Variants in PCNX1 observed in about 807,000 individuals in gnomAD.
PCNX1 encodes the protein pecanex-like protein 1.
A neutral mutation model predicts 242.2 loss-of-function variants in PCNX1; 78 were observed. The ratio of observed to expected loss-of-function variants is 0.32; its 90% CI spans 0.27 to 0.39. The LOEUF (loss-of-function observed/expected upper bound fraction) is 0.39. Among genes scored for constraint, PCNX1 ranks in the 10% least tolerant of loss-of-function variants. PCNX1 has a pLI of 1.00. For missense variants in PCNX1, 2,581 were observed against 2,856.5 expected (o/e 0.90, Z 2.20); for synonymous variants, 1,024 against 1,032.9 (o/e 0.99, Z 0.17).
At chr14:70,910,038 CCTCCT>C in intron 1 of PCNX1, among the ~76,000 whole-genome samples, 1 of 70,668 alleles carries the variant, frequency 1.4e-5, no homozygotes, top group African/African-American at 5.9e-5. Context: ...CCTCCCTCCT[CCTCCT>C]CCTCCTCCTC....
chr14:70,911,513 C>G (rs2055907715), intron 1 of PCNX1, among the ~76,000 whole-genome samples: 1 of 152,036 alleles, frequency 6.6e-6, no homozygotes, highest in African/African-American at 2.4e-5. Context: ...TTAAGGTACT[C>G]ATTCTTTTTT....
At chr14:70,932,722 C>T (rs2056850448) in intron 1 of PCNX1, among the ~76,000 whole-genome samples, 1 of 152,000 alleles carries the variant, frequency 6.6e-6, no homozygotes, top group Non-Finnish European at 1.5e-5. Flanking sequence ...AAGCGATTCT[C>T]CTGCCTCAGC....
At chr14:71,101,388 G>A (rs1299070234) in intron 30 of PCNX1, among the ~76,000 whole-genome samples, 1 of 152,148 alleles carries the variant, frequency 6.6e-6, no homozygotes, top group African/African-American at 2.4e-5. Context: ...GTACATGGTA[G>A]ATACTGAATA....
chr14:71,061,920 G>C (rs1023095684), intron 26 of PCNX1, among the ~76,000 whole-genome samples: 1 of 152,078 alleles, frequency 6.6e-6, no homozygotes, highest in Non-Finnish European at 1.5e-5. Flanking sequence ...AACAGCTAGA[G>C]AAGAAAAAGA....
At chr14:70,980,283 T>C (rs964896710) in intron 6 of PCNX1, among the ~76,000 whole-genome samples, 5 of 152,128 alleles carry the variant, frequency 3.3e-5, no homozygotes, top group Non-Finnish European at 5.9e-5. Flanking sequence ...AAAGGTGTTA[T>C]TTGCTTCTCG....
chr14:71,008,298 T>A (rs1326566079), intron 8 of PCNX1, among the ~76,000 whole-genome samples: 1 of 152,174 alleles, frequency 6.6e-6, no homozygotes, highest in Non-Finnish European at 1.5e-5. Context: ...TATTGCACAC[T>A]CTGCATTGTA....
At chr14:70,925,631 G>A (rs1363161454) in intron 1 of PCNX1, among the ~76,000 whole-genome samples, 1 of 139,506 alleles carries the variant, frequency 7.2e-6, no homozygotes, top group Admixed American at 7.4e-5. Flanking sequence ...TATCTACTCA[G>A]GTCTTTTTAT....
intron 11 of PCNX1, among the ~76,000 whole-genome samples, chr14:71,018,155 T>C (rs1167529337): frequency 6.6e-6 from 1 of 152,142 alleles, no homozygotes; most frequent in African/African-American, 2.4e-5. Context: ...TTTTGTGTCC[T>C]GCTTTCTGTA....
intron 11 of PCNX1, among the ~76,000 whole-genome samples, chr14:71,017,196 A>G (rs898194352): frequency 6.6e-6 from 1 of 152,220 alleles, no homozygotes; most frequent in African/African-American, 2.4e-5. Context: ...CATGACCTTA[A>G]TTGTCTTACA....
At chr14:71,098,040 G>A (rs1008087230) in intron 30 of PCNX1, among the ~76,000 whole-genome samples, 8 of 152,170 alleles carry the variant, frequency 5.3e-5, no homozygotes, top group Non-Finnish European at 8.8e-5. Context: ...ATTGAATAGG[G>A]AGTCCTTTCT....
chr14:70,974,332 A>G (rs1348916240), intron 5 of PCNX1, among the ~76,000 whole-genome samples: 1 of 146,776 alleles, frequency 6.8e-6, no homozygotes, highest in Non-Finnish European at 1.5e-5. Flanking sequence ...ATGGGGTTTC[A>G]CCATGTTGGC....
At chr14:70,959,304 A>T (rs2810103) in intron 2 of PCNX1, among the ~76,000 whole-genome samples, 11 of 144,136 alleles carry the variant, frequency 7.6e-5, no homozygotes. Flanking sequence ...ATGTATACAC[A>T]TGCCATGCTG....
At position 71,013,105 on chromosome 14, in the gene PCNX1, G is replaced by A; in HGVS notation, c.2899G>A (p.Ala967Thr). 6.2e-7 allele frequency: 1 copy of A among 1,614,094 alleles called. No individual in the cohort carries two copies. The highest frequency in any genetic ancestry group is 8.5e-7 in the Non-Finnish European group (1 of 1,180,014). The change falls in exon 11 of 36, where the codon GCC becomes ACC. Residue 967 changes from alanine (A) to threonine (T), a missense_variant. Physicochemically the swap from Ala to Thr is moderately conservative, Grantham distance 58. Transcript: ENST00000304743. ...TACTTACGGCCCAACAGAAGAAGCT[G>A]CCCAAAAGGTTAAACACTATTATCG... ...AATYGPTEEA[A>T]QKVKHYYRFW...
rs1296150720 is a variant in PCNX1 at position 71,050,869 on chromosome 14, TCAAA to T, written c.4447+110_4447+113del. On this transcript the variant is annotated intron_variant, in intron 23 of 35. Transcript: ENST00000304743. ...TGTAAGTTTACTGTGTAATGAATTA[TCAAA>T]AATTCATAATCTTGGCCGGGTGCAG... 3.8e-6 allele frequency: 4 copies of T among 1,046,836 alleles called. No individual in the cohort carries two copies. The East Asian group carries it at 1.0e-4, about 27-fold the overall frequency. 64.8% of individuals were successfully genotyped at this position (1,046,836 alleles called of 1,614,324 possible).
In PCNX1 at chr14:71,108,835, C is replaced by G. The variant is rs1380946890; in HGVS notation, c.6533C>G (p.Ser2178Ter). 1 of 1,614,254 alleles carries G rather than the reference C, an allele frequency of 6.2e-7. No homozygotes were observed. Reference protein sequence around the residue: ...RLSMVNQMEPSGQSGLACVQH... With the variant: ...RLSMVNQMEP ...TCGATGGTGAACCAAATGGAACCCT[C>G]AGGTCAGAGCGGCCTGGCCTGTGTG... Residue 2178 changes from serine (S) to a stop codon, truncating the protein, a stop_gained, in exon 34 of 36, where the codon TCA (serine) becomes TGA (stop). Transcript: ENST00000304743. LOFTEE classifies it high-confidence loss of function.
intron 10 of PCNX1, 95 bp from the exon 11 acceptor site, chr14:71,012,890 G>A: frequency 1.2e-6 from 1 of 820,698 alleles, no homozygotes; most frequent in Non-Finnish European, 2.0e-6. Context: ...AGCTAATTGA[G>A]TAACTGTTGA....
At chr14:71,009,139 A>G (rs1266109748) in intron 8 of PCNX1, among the ~76,000 whole-genome samples, 1 of 152,216 alleles carries the variant, frequency 6.6e-6, no homozygotes, top group African/African-American at 2.4e-5. Context: ...CACCAACAAT[A>G]CTAGCTCTTT....
rs563041988 is a variant in PCNX1 at position 70,969,319 on chromosome 14, A to G, written c.604+209A>G. 6 of 464,824 alleles carry G rather than the reference A, an allele frequency of 1.3e-5. No individual in the cohort carries two copies. The East Asian group carries it at 2.3e-4, about 18-fold the overall frequency. 28.8% of individuals were successfully genotyped at this position (464,824 alleles called of 1,614,324 possible). On this transcript the variant is annotated intron_variant, in intron 5 of 35. Transcript: ENST00000304743. ...AACTCAGTTATACATGTTCTGCCAG[A>G]TAAACATGGAGAGAGAAATTCTATG... is the stretch of plus-strand genomic sequence containing the variant.
At position 71,013,218 on chromosome 14, in the gene PCNX1, G is replaced by A. The variant is rs2059870984; in HGVS notation, c.2996+16G>A. The stretch of plus-strand genomic sequence containing the variant: ...TGTTTGATAGGTGAGATTATAGTGT[G>A]ATATTAATGATACGTGTGGATTTTA... On this transcript the variant is annotated intron_variant, in intron 11 of 35. Coordinates refer to ENST00000304743, the MANE Select transcript of PCNX1 (RefSeq NM_014982.3). 4.0e-6 allele frequency: 6 copies of A among 1,508,814 alleles called. No individual in the cohort carries two copies. Among genetic ancestry groups the A allele is most frequent in the Middle Eastern group, 1.7e-4 (1 of 5,882 alleles). 93.5% of individuals were successfully genotyped at this position (1,508,814 alleles called of 1,614,324 possible).
Sources: allele counts gnomAD v4.1 joint callset (sites outside exome capture counted in the v4.1 genomes callset), GRCh38; gene constraint gnomAD v4.1.1; transcripts MANE v1.5; gene names NCBI Gene and HGNC (gene_info 2026-07-23, HGNC 2026-07-21).